CMSS1: variants seen among roughly 807,000 people sequenced by gnomAD.
CMSS1 encodes protein CMSS1.
CMSS1 carries 33 observed loss-of-function variants against 43.5 expected under a neutral mutation model. The ratio of observed to expected loss-of-function variants is 0.76; its 90% CI spans 0.57 to 1.01. CMSS1 has a LOEUF of 1.01. Ranked by LOEUF, CMSS1 falls within the 50% of genes least tolerant of loss-of-function variation. The pLI, the probability that CMSS1 is intolerant of heterozygous loss-of-function variation, is 0.00. For missense variants in CMSS1, 313 were observed against 326.4 expected, an observed-to-expected ratio of 0.96 and a Z score of 0.32; for synonymous variants, 115 against 117.2, an observed-to-expected ratio of 0.98 and a Z score of 0.12.
At chr3:100,166,503 T>C in intron 5 of CMSS1, 109 bp downstream of exon 5, 1 of 689,654 alleles carries the variant, frequency 1.5e-6, no homozygotes, top group Non-Finnish European at 2.5e-6. Flanking sequence ...AGGCCATTAT[T>C]GCTCTAGGAA....
At chr3:100,116,133 A>C (rs1263643664) in intron 1 of CMSS1, among the ~76,000 whole-genome samples, 2 of 152,234 alleles carry the variant, frequency 1.3e-5, no homozygotes, top group Non-Finnish European at 2.9e-5. Flanking sequence ...CTTGTAACCA[A>C]ACCCACTTGC....
In CMSS1 at chr3:99,830,275, T is replaced by G. The variant is rs36019655; in HGVS notation, c.64+12232T>G. 1.8e-3 allele frequency: 607 copies of G among 341,514 alleles called. 2 individuals are homozygous for G. The highest frequency in any genetic ancestry group is 0.012 in the African/African-American group (576 of 46,718). The allele number at this position is 341,514 out of a possible 1,614,324, so 21.2% of individuals were successfully genotyped here. On this transcript the variant is annotated intron_variant, in intron 1 of 9. Coordinates refer to ENST00000421999, the MANE Select transcript of CMSS1 (RefSeq NM_032359.4). ...AAATAATTGTAGACGTGCTGCTTTT[T>G]GGGGGATGATCTTCATCAGGTCCAC...
At chr3:99,888,177 T>C (rs901654112) in intron 1 of CMSS1, among the ~76,000 whole-genome samples, 1 of 152,188 alleles carries the variant, frequency 6.6e-6, no homozygotes, top group African/African-American at 2.4e-5. Flanking sequence ...TGTAATTAAA[T>C]AGGAGACTTT....
chr3:99,930,053 G>A (rs367960877), intron 1 of CMSS1: 3 of 1,581,644 alleles, frequency 1.9e-6, no homozygotes, highest in Non-Finnish European at 2.6e-6. Context: ...AAGTATTTCA[G>A]AAAGCCTGCT....
At chr3:100,050,554 CAG>C (rs1314627150) in intron 1 of CMSS1, among the ~76,000 whole-genome samples, 2 of 152,102 alleles carry the variant, frequency 1.3e-5, no homozygotes, top group Admixed American at 6.5e-5. Flanking sequence ...TGTTTTGAGA[CAG>C]AGTCTCGCTC....
intron 1 of CMSS1, among the ~76,000 whole-genome samples, chr3:99,920,893 A>G (rs755631594): frequency 6.6e-6 from 1 of 152,186 alleles, no homozygotes; most frequent in Non-Finnish European, 1.5e-5. Context: ...TTTTTGTTTT[A>G]TTTCCAGGTA....
intron 1 of CMSS1, among the ~76,000 whole-genome samples, chr3:99,928,967 A>G (rs1707383957): frequency 1.3e-5 from 2 of 152,234 alleles, no homozygotes; most frequent in Admixed American, 6.5e-5. Context: ...TTCTCTCATG[A>G]GATACTAAAG....
chr3:99,923,266 A>G (rs1290826775), intron 1 of CMSS1, among the ~76,000 whole-genome samples: 2 of 152,168 alleles, frequency 1.3e-5, no homozygotes, highest in African/African-American at 4.8e-5. Flanking sequence ...CTACAGACCT[A>G]TATTTCTGAC....
intron 1 of CMSS1, among the ~76,000 whole-genome samples, chr3:99,945,455 C>G (rs897809560): frequency 2.0e-5 from 3 of 152,104 alleles, no homozygotes; most frequent in Admixed American, 2.0e-4. Flanking sequence ...GCACCCAGGG[C>G]AGCCAAGAGT....
chr3:99,983,387 T>A (rs1709188631), intron 1 of CMSS1, among the ~76,000 whole-genome samples: 1 of 20,154 alleles, frequency 5.0e-5, no homozygotes, highest in African/African-American at 1.0e-4. Flanking sequence ...AATAAATAAA[T>A]AAATATATAT....
chr3:99,988,719 T>TA (rs761472478), intron 1 of CMSS1, among the ~76,000 whole-genome samples: 19 of 152,206 alleles, frequency 1.2e-4, no homozygotes, highest in Non-Finnish European at 1.3e-4. Context: ...CCTTTAAACA[T>TA]AAAAAAAGCA....
intron 1 of CMSS1, among the ~76,000 whole-genome samples, chr3:100,089,187 G>A (rs558049055): frequency 2.8e-4 from 42 of 152,088 alleles, no homozygotes; most frequent in Non-Finnish European, 4.6e-4. Flanking sequence ...ACATTCCAAC[G>A]TCTAGCTCTT....
intron 1 of CMSS1, among the ~76,000 whole-genome samples, chr3:99,968,886 A>G (rs6765027): frequency 0.73 from 111,668 of 152,002 alleles, 41,725 homozygotes; most frequent in African/African-American, 0.88. Context: ...GGTTAGCACA[A>G]ACCTCTCTTT....
At chr3:100,123,353 G>A (rs1439672623) in intron 1 of CMSS1, among the ~76,000 whole-genome samples, 1 of 152,190 alleles carries the variant, frequency 6.6e-6, no homozygotes, top group Non-Finnish European at 1.5e-5. Context: ...CATGGCTGGG[G>A]TATTGTGAGC....
At chr3:99,882,414 C>A (rs1705758701) in intron 1 of CMSS1, among the ~76,000 whole-genome samples, 1 of 152,084 alleles carries the variant, frequency 6.6e-6, no homozygotes, top group South Asian at 2.1e-4. Context: ...ACTAAATCTT[C>A]CACTTCCTCA....
chr3:100,176,110 T>C, intron 8 of CMSS1: 1 of 415,890 alleles, frequency 2.4e-6, no homozygotes, highest in South Asian at 4.1e-5. Context: ...GTTTCTCTGC[T>C]TTCCTCAGGA....
In CMSS1 at chr3:100,176,393, G is replaced by A; in HGVS notation, c.734G>A (p.Arg245Lys). 6.2e-7 allele frequency: 1 copy of A among 1,613,012 alleles called. No individual in the cohort carries two copies. Among genetic ancestry groups the A allele is most frequent in the Non-Finnish European group, 8.5e-7 (1 of 1,179,124 alleles). ...FDWNWRDQKL[R>K]RMMDIPEIRK... ...TGGAACTGGAGAGATCAGAAGTTGA[G>A]GAGAATGATGGACATTCCCGAGGTA... is the stretch of plus-strand genomic sequence containing the variant. Residue 245 changes from arginine to lysine, a missense_variant, in exon 9 of 10, where the codon AGG (arginine) becomes AAG (lysine). Coordinates refer to ENST00000421999, the MANE Select transcript of CMSS1 (RefSeq NM_032359.4).
intron 1 of CMSS1, among the ~76,000 whole-genome samples, chr3:99,826,874 A>G (rs946788147): frequency 1.3e-5 from 2 of 152,198 alleles, no homozygotes; most frequent in African/African-American, 4.8e-5. Flanking sequence ...TACAAATTGG[A>G]TTTGTTTTCA....
intron 1 of CMSS1, among the ~76,000 whole-genome samples, chr3:99,988,539 A>G (rs1329249057): frequency 1.3e-5 from 2 of 150,380 alleles, no homozygotes; most frequent in African/African-American, 4.9e-5. Context: ...AAGAAAGAAA[A>G]GGAAAAAAAA....
Sources: gnomAD v4.1 joint callset for allele counts (sites outside exome capture counted in the v4.1 genomes callset) on GRCh38, gnomAD v4.1.1 for gene constraint, MANE v1.5 for transcripts, NCBI Gene and HGNC (gene_info 2026-07-23, HGNC 2026-07-21) for gene names.